TENT5D: variants seen among roughly 807,000 people sequenced by gnomAD.
The protein encoded by TENT5D is terminal nucleotidyltransferase 5D.
For missense variants in TENT5D, 191 were observed against 287.0 expected, an observed-to-expected ratio of 0.67 and a Z score of 2.42; for synonymous variants, 103 against 100.6, an observed-to-expected ratio of 1.02 and a Z score of -0.15.
chrX:80,365,028 C>T (rs1035143760), intron 3 of TENT5D, among the ~76,000 whole-genome samples: 2 of 110,653 alleles, frequency 1.8e-5, no homozygotes, highest in Non-Finnish European at 3.8e-5. Flanking sequence ...CTTCCTTCAG[C>T]CTAGCTTCAC....
At chrX:80,387,748 C>T (rs767225481) in intron 3 of TENT5D, among the ~76,000 whole-genome samples, 74 of 111,068 alleles carry the variant, frequency 6.7e-4, no homozygotes, top group Non-Finnish European at 1.2e-3. Flanking sequence ...ATCTGGCCAC[C>T]GCCTATGTTT....
At chrX:80,372,578 A>C (rs1930643674) in intron 3 of TENT5D, among the ~76,000 whole-genome samples, 1 of 110,785 alleles carries the variant, frequency 9.0e-6, no homozygotes, top group Non-Finnish European at 1.9e-5. Flanking sequence ...ATGGATTTTG[A>C]TTGATCTCAT....
chrX:80,355,688 G>T (rs909958439), intron 3 of TENT5D, among the ~76,000 whole-genome samples: 2 of 111,700 alleles, frequency 1.8e-5, no homozygotes, highest in African/African-American at 3.3e-5. Flanking sequence ...GCTGCTGGGG[G>T]CCAGGAATGA....
chrX:80,426,331 T>C (rs1381630657), intron 1 of TENT5D, among the ~76,000 whole-genome samples: 1 of 111,743 alleles, frequency 8.9e-6, no homozygotes, highest in African/African-American at 3.2e-5. Context: ...AAAAGCCTTT[T>C]ATTAGCCTTT....
At chrX:80,397,704 A>G (rs1184313985) in intron 3 of TENT5D, among the ~76,000 whole-genome samples, 2 of 112,685 alleles carry the variant, frequency 1.8e-5, no homozygotes, top group African/African-American at 6.4e-5. Context: ...AGGCTGGCGG[A>G]TCACTCGCGG....
intron 3 of TENT5D, chrX:80,342,605 G>A (rs1284328694): frequency 8.9e-6 from 1 of 112,305 alleles, no homozygotes; most frequent in Non-Finnish European, 1.9e-5. Flanking sequence ...TTTTAAATTG[G>A]AGGAATAATG....
chrX:80,380,846 G>A (rs748236061), intron 3 of TENT5D, among the ~76,000 whole-genome samples: 1 of 111,147 alleles, frequency 9.0e-6, no homozygotes, highest in Non-Finnish European at 1.9e-5. Flanking sequence ...TTGAGTCTAT[G>A]TGTGTCTTTG....
chrX:80,372,993 A>G (rs1465171447), intron 3 of TENT5D, among the ~76,000 whole-genome samples: 1 of 110,398 alleles, frequency 9.1e-6, no homozygotes, highest in East Asian at 2.8e-4. Context: ...ATGTATTTAT[A>G]CATTTCCCTT....
At chrX:80,373,316 G>C (rs983003212) in intron 3 of TENT5D, among the ~76,000 whole-genome samples, 2 of 111,236 alleles carry the variant, frequency 1.8e-5, no homozygotes, top group Non-Finnish European at 3.8e-5. Context: ...CAATATTTGG[G>C]ATCTTGGCAT....
chrX:80,438,353 G>A (rs972557727), intron 1 of TENT5D, among the ~76,000 whole-genome samples: 2 of 109,370 alleles, frequency 1.8e-5, no homozygotes, highest in Admixed American at 9.7e-5. Flanking sequence ...CTCTAAAATA[G>A]TGGTTGTCAA....
intron 3 of TENT5D, among the ~76,000 whole-genome samples, chrX:80,360,157 A>G (rs1490738275): frequency 8.9e-6 from 1 of 112,205 alleles, no homozygotes; most frequent in Non-Finnish European, 1.9e-5. Flanking sequence ...TGCACTTAAT[A>G]TAATACAAAA....
At chrX:80,357,480 T>A (rs772397770) in intron 3 of TENT5D, among the ~76,000 whole-genome samples, 1 of 110,137 alleles carries the variant, frequency 9.1e-6, no homozygotes, top group African/African-American at 3.3e-5. Context: ...GGTATCTCAT[T>A]GTGGTTTTGA....
rs192057444 is a variant in TENT5D at position 80,388,680 on chromosome X, A to G, written c.-142+46116A>G. Among the ~76,000 whole-genome samples the G allele has an allele frequency of 2.0e-4, 22 of 111,717 alleles. No homozygotes were observed. In the East Asian group the frequency reaches 5.9e-3, roughly 30 times the overall value. On this transcript the variant is annotated intron_variant, in intron 3 of 4. Transcript: ENST00000538312. The stretch of plus-strand genomic sequence containing the variant: ...CAAGGGGAAGGAACAAGTCTCTCCA[A>G]GAATTGCTAGTTATACTGCCTGCGG...
At chrX:80,423,315 GT>G (rs1176182873) in intron 1 of TENT5D, among the ~76,000 whole-genome samples, 2 of 108,115 alleles carry the variant, frequency 1.8e-5, no homozygotes, top group African/African-American at 3.3e-5. Context: ...AGTATCCAGA[GT>G]TTTTTTTTTA....
intron 1 of TENT5D, among the ~76,000 whole-genome samples, chrX:80,434,931 C>T (rs898819000): frequency 4.2e-4 from 46 of 109,447 alleles, no homozygotes; most frequent in African/African-American, 1.4e-3. Flanking sequence ...TACAGGCATC[C>T]GCCACCATGC....
Position 80,336,169 on chromosome X carries a change from A to G in TENT5D, c.-207+453A>G, listed in dbSNP as rs1462721553. ...GTATATTCTCTTACTAAGGAATTTA[A>G]CAAGTTTGACGAATTTTTTTCCCAT... On this transcript the variant is annotated intron_variant, in intron 2 of 4. Transcript: ENST00000538312. Among the ~76,000 whole-genome samples, 16 of 111,540 alleles carry G rather than the reference A, an allele frequency of 1.4e-4. No homozygotes were observed. The Admixed American group carries it at 1.5e-3, about 11-fold the overall frequency.
At chrX:80,372,679 G>T (rs1206168862) in intron 3 of TENT5D, among the ~76,000 whole-genome samples, 3 of 109,984 alleles carry the variant, frequency 2.7e-5, no homozygotes, top group Admixed American at 9.8e-5. Context: ...TTGAGGTCAG[G>T]AGTTCGAGAA....
intron 3 of TENT5D, among the ~76,000 whole-genome samples, chrX:80,380,888 C>T (rs1427665400): frequency 1.8e-5 from 2 of 111,572 alleles, no homozygotes; most frequent in Non-Finnish European, 3.8e-5. Flanking sequence ...ATACAGCACA[C>T]TGATGGGTCT....
Position 80,350,648 on chromosome X carries a change from A to G in TENT5D, c.-142+8084A>G, listed in dbSNP as rs151249563. 2.9e-4 allele frequency among the ~76,000 whole-genome samples: 32 copies of G among 111,355 alleles called. No individual in the cohort carries two copies. In the East Asian group the frequency reaches 6.8e-3, roughly 24 times the overall value. On this transcript the variant is annotated intron_variant, in intron 3 of 4. Transcript: ENST00000538312. The stretch of plus-strand genomic sequence containing the variant: ...TAATTGGGTCATTTAGTCCATTTAC[A>G]TTTAAGGTTAATATTGTTATTTGTG...
Sources: gnomAD v4.1 joint callset for allele counts (sites outside exome capture counted in the v4.1 genomes callset) on GRCh38, gnomAD v4.1.1 for gene constraint, MANE v1.5 for transcripts, NCBI Gene and HGNC (gene_info 2026-07-23, HGNC 2026-07-21) for gene names.